The following ZNF114 variants were observed in gnomAD, a reference collection of about 807,000 sequenced individuals.
ZNF114 encodes the protein zinc finger protein 114.
ZNF114 carries 8 observed loss-of-function variants against 6.8 expected under a neutral mutation model. That is an observed-to-expected ratio of 1.18 (90% CI 0.69 to 2.13). The LOEUF is 2.13. Ranked by LOEUF, ZNF114 falls within the 30% of genes most tolerant of loss-of-function variation. The pLI is 0.00. For missense variants in ZNF114, 472 were observed against 519.5 expected, an observed-to-expected ratio of 0.91 and a Z score of 0.89; for synonymous variants, 169 against 185.5, an observed-to-expected ratio of 0.91 and a Z score of 0.72.
intron 3 of ZNF114, 51 bp from the exon 4 acceptor site, chr19:48,279,680 T>C: frequency 7.8e-7 from 1 of 1,278,022 alleles, no homozygotes; most frequent in African/African-American, 1.5e-5. Flanking sequence ...CACATACGAG[T>C]GTGGGGAAGG....
At chr19:48,279,924 C>T in intron 4 of ZNF114, 116 bp downstream of exon 4, 1 of 1,480,144 alleles carries the variant, frequency 6.8e-7, no homozygotes, top group Non-Finnish European at 9.4e-7. Context: ...GGCCCCCCGC[C>T]AGCCGTGCTG....
chr19:48,284,477 C>T (rs1191994282), intron 5 of ZNF114, among the ~76,000 whole-genome samples: 2 of 152,226 alleles, frequency 1.3e-5, no homozygotes, highest in African/African-American at 4.8e-5. Context: ...GTTGCCCAGG[C>T]TGGAGTGCAG....
At chr19:48,282,220 A>G in intron 4 of ZNF114, 151 bp from the exon 5 acceptor site, 1 of 1,062,108 alleles carries the variant, frequency 9.4e-7, no homozygotes. Flanking sequence ...TAATTCATTG[A>G]CATCTGCAAA....
intron 3 of ZNF114, among the ~76,000 whole-genome samples, chr19:48,272,422 A>AT (rs1046876292): frequency 1.4e-5 from 2 of 143,276 alleles, no homozygotes; most frequent in African/African-American, 5.2e-5. Flanking sequence ...AAAAAAAAAA[A>AT]TAAATAATAA....
At chr19:48,278,889 G>A (rs1037183893) in intron 3 of ZNF114, among the ~76,000 whole-genome samples, 1 of 152,120 alleles carries the variant, frequency 6.6e-6, no homozygotes, top group South Asian at 2.1e-4. Context: ...GCTGCAGTGA[G>A]CTGAGATCGT....
intron 4 of ZNF114, 32 bp downstream of exon 4, chr19:48,279,840 G>A (rs1428549904): frequency 5.0e-6 from 8 of 1,613,720 alleles, no homozygotes; most frequent in East Asian, 2.2e-5. Context: ...TCCCAGAAGC[G>A]TGTTGTCGTT....
rs10407197 is a variant in ZNF114 at position 48,280,335 on chromosome 19, G to C, written c.9+527G>C. Among the ~76,000 whole-genome samples, 218 of 152,122 alleles carry C rather than the reference G, an allele frequency of 1.4e-3. 1 individual carries two copies. The highest frequency in any genetic ancestry group is 4.9e-3 in the African/African-American group (202 of 41,488). On this transcript the variant is annotated intron_variant, in intron 4 of 5. Coordinates refer to ENST00000595607, the MANE Select transcript of ZNF114 (RefSeq NM_153608.4). ...GGAGGTTGAGGCCACAATGAGGAGT[G>C]ATCACTCCACTGCATTCCAGCCTGG...
intron 3 of ZNF114, among the ~76,000 whole-genome samples, chr19:48,273,428 G>T (rs201199066): frequency 6.9e-6 from 1 of 144,730 alleles, no homozygotes; most frequent in African/African-American, 2.5e-5. Context: ...TTTCTTTTCT[G>T]TTTTTTTTTT....
chr19:48,274,510 T>A (rs1050836027), intron 3 of ZNF114, among the ~76,000 whole-genome samples: 3,566 of 16,488 alleles, frequency 0.22, 111 homozygotes, highest in African/African-American at 0.38. Context: ...ATATATATTT[T>A]TTTTTTTTTT....
At position 48,286,948 on chromosome 19, in the gene ZNF114, G is replaced by C; in HGVS notation, c.*70G>C. Reference sequence around the variant, plus strand: ...CATGTGAGGAGGACATATTGGAAGGGAGCTCAAGGGGTTAGCATGAGTGAG... The same window carrying C: ...CATGTGAGGAGGACATATTGGAAGGCAGCTCAAGGGGTTAGCATGAGTGAG... On this transcript the variant is annotated 3_prime_UTR_variant, in exon 6 of 6. Coordinates refer to ENST00000595607, the MANE Select transcript of ZNF114 (RefSeq NM_153608.4). 2.0e-6 allele frequency: 3 copies of C among 1,475,290 alleles called. No homozygotes were observed. Among genetic ancestry groups the C allele is most frequent in the Non-Finnish European group, 2.7e-6 (3 of 1,106,668 alleles). 91.4% of individuals were successfully genotyped at this position (1,475,290 alleles called of 1,614,324 possible).
chr19:48,275,692 G>GT (rs1487929553), intron 3 of ZNF114, among the ~76,000 whole-genome samples: 4 of 151,996 alleles, frequency 2.6e-5, no homozygotes, highest in Admixed American at 2.6e-4. Context: ...TCACATCAGT[G>GT]TAACTATAAT....
At chr19:48,283,402 G>T (rs181880156) in intron 5 of ZNF114, among the ~76,000 whole-genome samples, 1 of 152,004 alleles carries the variant, frequency 6.6e-6, no homozygotes, top group Non-Finnish European at 1.5e-5. Context: ...AGAAAGTCTC[G>T]GCACAGTTCC....
rs954493245 is a variant in ZNF114 at position 48,282,803 on chromosome 19, C to A, written c.136+306C>A. Among the ~76,000 whole-genome samples the A allele has an allele frequency of 1.1e-4, 16 of 152,026 alleles. No individual in the cohort carries two copies. The East Asian group carries it at 2.5e-3, about 24-fold the overall frequency. On this transcript the variant is annotated intron_variant, in intron 5 of 5. Transcript: ENST00000595607. Reference sequence around the variant, plus strand: ...TCTCAGCTCACTGCAACTTCCACCCCCCAGGTTCATGCAATTCTTCTGCCT... The same window carrying A: ...TCTCAGCTCACTGCAACTTCCACCCACCAGGTTCATGCAATTCTTCTGCCT...
chr19:48,274,863 G>A (rs562264823), intron 3 of ZNF114, among the ~76,000 whole-genome samples: 119 of 152,182 alleles, frequency 7.8e-4, no homozygotes, highest in African/African-American at 2.4e-3. Flanking sequence ...CTCTTCCAGG[G>A]CTCACACCCT....
intron 3 of ZNF114, among the ~76,000 whole-genome samples, chr19:48,278,464 T>A (rs1334934953): frequency 6.6e-6 from 1 of 152,126 alleles, no homozygotes; most frequent in Admixed American, 6.6e-5. Context: ...TCATACACTG[T>A]GGTCTTTTGT....
chr19:48,286,220 C>T lies in ZNF114; in HGVS notation c.596C>T (p.Thr199Ile). 6.2e-7 allele frequency: 1 copy of T among 1,614,178 alleles called. No individual in the cohort carries two copies. The highest frequency in any genetic ancestry group is 1.3e-5 in the African/African-American group (1 of 75,026). Reference sequence around the variant, plus strand: ...AGAAAAACAGAGCTGAAATCAAGCACATGGACTGGCAGTCAGAACACTGTG... The same window carrying T: ...AGAAAAACAGAGCTGAAATCAAGCATATGGACTGGCAGTCAGAACACTGTG... ...CGRKTELKSS[T>I]WTGSQNTVHH... Residue 199 changes from threonine to isoleucine, a missense_variant, in exon 6 of 6, where the codon ACA becomes ATA. Transcript: ENST00000595607.
At chr19:48,276,074 C>CT (rs34454372) in intron 3 of ZNF114, among the ~76,000 whole-genome samples, 1,356 of 73,452 alleles carry the variant, frequency 0.018, 46 homozygotes, top group Middle Eastern at 0.04. Context: ...CCTCTTACCT[C>CT]TTTTTTTTTT....
At chr19:48,274,814 T>C (rs1467778355) in intron 3 of ZNF114, among the ~76,000 whole-genome samples, 4 of 151,728 alleles carry the variant, frequency 2.6e-5, no homozygotes, top group Admixed American at 6.6e-5. Flanking sequence ...CCTAGAGTTA[T>C]GTTTCTTTAG....
At chr19:48,270,511 G>C (rs201985644) in intron 1 of ZNF114, among the ~76,000 whole-genome samples, 3 of 141,180 alleles carry the variant, frequency 2.1e-5, no homozygotes, top group African/African-American at 8.0e-5. Flanking sequence ...AAGAAAGAAA[G>C]AGAAAGGGAG....
Sources: gnomAD v4.1 joint callset for allele counts (sites outside exome capture counted in the v4.1 genomes callset) on GRCh38, gnomAD v4.1.1 for gene constraint, MANE v1.5 for transcripts, NCBI Gene and HGNC (gene_info 2026-07-23, HGNC 2026-07-21) for gene names.